SPATA31A1: variants seen among roughly 807,000 people sequenced by gnomAD.
SPATA31A1 encodes spermatogenesis-associated protein 31A1.
For missense variants in SPATA31A1, 579 were observed against 1,476.3 expected (o/e 0.39, Z 9.96); for synonymous variants, 194 against 573.4 (o/e 0.34, Z 9.45).
chr9:39,356,521 TTTTA>T (rs1457836579), intron 1 of SPATA31A1, among the ~76,000 whole-genome samples: 1 of 143,738 alleles, frequency 7.0e-6, no homozygotes, highest in Admixed American at 7.1e-5. Context: ...TGTATTTTTA[TTTTA>T]TTTGTGTGTG....
chr9:39,356,502 G>A (rs1172244487), intron 1 of SPATA31A1, among the ~76,000 whole-genome samples: 2 of 142,286 alleles, frequency 1.4e-5, no homozygotes, highest in Non-Finnish European at 1.5e-5. Flanking sequence ...GTGTGTGTGT[G>A]TGTGTGTGTG....
Position 39,361,880 on chromosome 9 carries a change from A to C in SPATA31A1, c.*71A>C. 1.9e-6 allele frequency: 3 copies of C among 1,590,430 alleles called. No homozygotes were observed. Among genetic ancestry groups the C allele is most frequent in the South Asian group, 2.3e-5 (2 of 87,742 alleles). On this transcript the variant is annotated 3_prime_UTR_variant, in exon 4 of 4. Transcript: ENST00000377647. ...AAGTCCCCAAGAAAAAATTCACTCT[A>C]TGTAGAGAAAAAATATTTTCTCTCA...
intron 1 of SPATA31A1, among the ~76,000 whole-genome samples, chr9:39,356,491 T>C (rs1823330124): frequency 7.1e-6 from 1 of 141,374 alleles, no homozygotes; most frequent in Non-Finnish European, 1.5e-5. Context: ...TCTGTGTGTG[T>C]GTGTGTGTGT....
chr9:39,358,630 A>C lies in SPATA31A1; in HGVS notation c.865A>C (p.Thr289Pro), dbSNP rs1823386907. ...CTCCCGGTGGCAGGAGACTGCCAGA[A>C]CCTCGTGCGCCTTTAACTCATCAGT... ...ASSRWQETAR[T>P]SCAFNSSVQQ... The change falls in exon 4 of 4, where the codon ACC becomes CCC. Residue 289 changes from threonine (T) to proline (P), a missense_variant. Thr to Pro is a conservative substitution (Grantham distance 38). Coordinates refer to ENST00000377647, the MANE Select transcript of SPATA31A1 (RefSeq NM_001085452.4). The C allele has an allele frequency of 1.7e-5, 27 of 1,604,278 alleles. 1 individual carries two copies. Among genetic ancestry groups the C allele is most frequent in the Non-Finnish European group, 2.1e-5 (25 of 1,179,302 alleles).
Position 39,361,752 on chromosome 9 carries a change from T to C in SPATA31A1, c.3987T>C (p.Gly1329=). The C allele has an allele frequency of 1.2e-6, 2 of 1,612,388 alleles. No homozygotes were observed. The highest frequency in any genetic ancestry group is 2.2e-5 in the South Asian group (2 of 90,990). ...TTCAGCACTGGCCGAAGACATCCGG[T>C]GCCTCTAGCCACCATCACCACTGTC... ...SPLQHWPKTS[G]ASSHHHHCPR... The change falls in exon 4 of 4, where the codon GGT becomes GGC. Residue 1329 remains glycine, a synonymous_variant. Transcript: ENST00000377647.
chr9:39,357,944 G>A, intron 3 of SPATA31A1, 126 bp downstream of exon 3: 1 of 1,596,502 alleles, frequency 6.3e-7, no homozygotes, highest in Non-Finnish European at 8.5e-7. Context: ...GTAAAACCCT[G>A]GGGCGAGGGG....
rs2118419201 is a variant in SPATA31A1, at chr9:39,357,927, G to T, written c.308+109G>T. ...GGATGGGGAGACCAGGGGTACAGAG[G>T]ATGGGAGTAAAACCCTGGGGCGAGG... On this transcript the variant is annotated intron_variant, in intron 3 of 3. Transcript: ENST00000377647. 1.1e-5 allele frequency: 17 copies of T among 1,580,776 alleles called. No individual in the cohort carries two copies. The South Asian group carries it at 1.8e-4, about 17-fold the overall frequency.
chr9:39,361,362 G>A lies in SPATA31A1; in HGVS notation c.3597G>A (p.Val1199=). ...SQKTVKNRSC[V]YSSSAEAQGL... is the part of the protein sequence containing the mutation. Reference sequence around the variant, plus strand: ...AAACAGTGAAAAACAGATCATGTGTGTACAGCAGCAGTGCTGAAGCTCAGG... The same window carrying A: ...AAACAGTGAAAAACAGATCATGTGTATACAGCAGCAGTGCTGAAGCTCAGG... The change falls in exon 4 of 4, where the codon GTG becomes GTA. Residue 1199 remains valine (V), a synonymous_variant. Coordinates refer to ENST00000377647, the MANE Select transcript of SPATA31A1 (RefSeq NM_001085452.4). The A allele has an allele frequency of 3.7e-6, 6 of 1,613,644 alleles. No individual in the cohort carries two copies. Among genetic ancestry groups the A allele is most frequent in the East Asian group, 2.2e-5 (1 of 44,872 alleles).
In SPATA31A1 at chr9:39,356,482, CTGTGTG is replaced by C. The variant is rs201386587; in HGVS notation, c.189+589_189+594del. Among the ~76,000 whole-genome samples the C allele has an allele frequency of 4.0e-3, 492 of 124,002 alleles. 10 individuals are homozygous for C. Among genetic ancestry groups the C allele is most frequent in the African/African-American group, 0.014 (451 of 32,618 alleles). 81.4% of individuals were successfully genotyped at this position (124,002 alleles called of 152,430 possible). A position where few individuals can be genotyped will look rare whatever the true frequency, so the allele number is the denominator to read the frequency against. On this transcript the variant is annotated intron_variant, in intron 1 of 3. Transcript: ENST00000377647. ...GGTGGACCTCATATTGAAAATCCCT[CTGTGTG>C]TGTGTGTGTGTGTGTGTGTGTGTGT... is the stretch of plus-strand genomic sequence containing the variant.
At chr9:39,357,961 G>C (rs1411738331) in intron 3 of SPATA31A1, 113 bp from the exon 4 acceptor site, 2 of 1,602,172 alleles carry the variant, frequency 1.2e-6, no homozygotes, top group African/African-American at 2.7e-5. Context: ...GGGGTAGCAG[G>C]AGAACTGGGC....
chr9:39,356,563 T>C (rs1823332515), intron 1 of SPATA31A1, among the ~76,000 whole-genome samples: 1 of 49,716 alleles, frequency 2.0e-5, no homozygotes, highest in African/African-American at 8.9e-5. Context: ...TATTTTATTT[T>C]ATTTTATTTT....
chr9:39,358,182 T>C lies in SPATA31A1; in HGVS notation c.417T>C (p.His139=), dbSNP rs1467175546. The change falls in exon 4 of 4, where the codon CAT becomes CAC. Residue 139 remains histidine, a synonymous_variant. Coordinates refer to ENST00000377647, the MANE Select transcript of SPATA31A1 (RefSeq NM_001085452.4). ...CTGATGGAGCCTCCCAGTCCTCTCATGAGCCTATGGAAGATGCTGCTCCCA... is the reference window on the plus strand; with the variant it reads ...CTGATGGAGCCTCCCAGTCCTCTCACGAGCCTATGGAAGATGCTGCTCCCA... ...RAPDGASQSS[H]EPMEDAAPIL... is the part of the protein sequence containing the mutation. The C allele has an allele frequency of 1.0e-5, 16 of 1,606,060 alleles. No homozygotes were observed. In the East Asian group the frequency reaches 3.4e-4, roughly 34 times the overall value.
intron 1 of SPATA31A1, among the ~76,000 whole-genome samples, chr9:39,356,374 A>T (rs1360887771): frequency 1.6e-5 from 1 of 62,632 alleles, no homozygotes; most frequent in Non-Finnish European, 2.9e-5. Flanking sequence ...GGGAAGCAGA[A>T]TCCTACCTGA....
chr9:39,361,022 A>T lies in SPATA31A1; in HGVS notation c.3257A>T (p.Glu1086Val). 1 of 1,611,080 alleles carries T rather than the reference A, an allele frequency of 6.2e-7. No homozygotes were observed. The highest frequency in any genetic ancestry group is 8.5e-7 in the Non-Finnish European group (1 of 1,179,740). ...MAARRSKLVHEEPRNPNCQGS... is the reference protein window; with the variant it reads ...MAARRSKLVHVEPRNPNCQGS... ...GCCAGAAGGAGCAAACTGGTGCACGAGGAGCCCAGAAACCCAAACTGTCAA... is the reference window on the plus strand; with the variant it reads ...GCCAGAAGGAGCAAACTGGTGCACGTGGAGCCCAGAAACCCAAACTGTCAA... The change falls in exon 4 of 4, where the codon GAG becomes GTG. Residue 1086 changes from glutamate (E) to valine (V), a missense_variant. Physicochemically the swap from Glu to Val is moderately radical, Grantham distance 121. Transcript: ENST00000377647.
In SPATA31A1 at chr9:39,361,745, C is replaced by T. The variant is rs1219937733; in HGVS notation, c.3980C>T (p.Thr1327Ile). 45 of 1,612,324 alleles carry T rather than the reference C, an allele frequency of 2.8e-5. No individual in the cohort carries two copies. The East Asian group carries it at 9.4e-4, about 34-fold the overall frequency. Reference protein sequence around the residue: ...PVSPLQHWPKTSGASSHHHHC... With the variant: ...PVSPLQHWPKISGASSHHHHC... ...AGTCCCCTTCAGCACTGGCCGAAGA[C>T]ATCCGGTGCCTCTAGCCACCATCAC... The change falls in exon 4 of 4, where the codon ACA becomes ATA. Residue 1327 changes from threonine (T) to isoleucine (I), a missense_variant. Transcript: ENST00000377647.
chr9:39,357,663 T>G, intron 2 of SPATA31A1, 95 bp from the exon 3 acceptor site: 1 of 1,592,446 alleles, frequency 6.3e-7, no homozygotes, highest in Admixed American at 1.7e-5. Context: ...CAGGGTCTAA[T>G]TCCCCATGGT....
At position 39,357,865 on chromosome 9, in the gene SPATA31A1, G is replaced by A. The variant is rs1436816240; in HGVS notation, c.308+47G>A. 293 of 1,544,830 alleles carry A rather than the reference G, an allele frequency of 1.9e-4. 1 individual carries two copies. The East Asian group carries it at 4.1e-3, about 22-fold the overall frequency. On this transcript the variant is annotated intron_variant, in intron 3 of 3. Transcript: ENST00000377647. ...GCATCCTTCCTACCAGGGCTGGGAC[G>A]TGACCCCAGGGCCACAGGCAGCCTG...
chr9:39,358,044 G>C (rs1587772810), intron 3 of SPATA31A1, 30 bp from the exon 4 acceptor site: 1 of 553,550 alleles, frequency 1.8e-6, no homozygotes, highest in South Asian at 2.1e-5. Flanking sequence ...CCGGCTCCTG[G>C]CTGCAGCTCG....
At position 39,358,634 on chromosome 9, in the gene SPATA31A1, C is replaced by T. The variant is rs1472798149; in HGVS notation, c.869C>T (p.Ser290Leu). 16 of 1,605,486 alleles carry T rather than the reference C, an allele frequency of 1.0e-5. No homozygotes were observed. The highest frequency in any genetic ancestry group is 3.3e-5 in the Admixed American group (2 of 59,838). ...CGGTGGCAGGAGACTGCCAGAACCTCGTGCGCCTTTAACTCATCAGTCCAG... is the reference window on the plus strand; with the variant it reads ...CGGTGGCAGGAGACTGCCAGAACCTTGTGCGCCTTTAACTCATCAGTCCAG... ...SSRWQETART[S>L]CAFNSSVQQD... is the part of the protein sequence containing the mutation. The change falls in exon 4 of 4, where the codon TCG becomes TTG. Residue 290 changes from serine (S) to leucine (L), a missense_variant. Coordinates refer to ENST00000377647, the MANE Select transcript of SPATA31A1 (RefSeq NM_001085452.4).
Sources: gnomAD v4.1 joint callset for allele counts (sites outside exome capture counted in the v4.1 genomes callset) on GRCh38, gnomAD v4.1.1 for gene constraint, MANE v1.5 for transcripts, NCBI Gene and HGNC (gene_info 2026-07-23, HGNC 2026-07-21) for gene names.